NDUFAF6: variants seen among roughly 807,000 people sequenced by gnomAD.
NDUFAF6 encodes NADH dehydrogenase (ubiquinone) complex I, assembly factor 6.
Under a neutral mutation model 40.8 loss-of-function variants are expected in NDUFAF6, and 45 were observed. That is an observed-to-expected ratio of 1.10 (90% CI 0.87 to 1.42). The LOEUF (loss-of-function observed/expected upper bound fraction) is 1.42. Among genes scored for constraint, NDUFAF6 ranks in the 40% most tolerant of loss-of-function variants. NDUFAF6 has a pLI of 0.00. For missense variants in NDUFAF6, 435 were observed against 418.5 expected (o/e 1.04, Z -0.34); for synonymous variants, 185 against 155.9 (o/e 1.19, Z -1.39).
At chr8:95,015,872 G>C (rs1441935065) in intron 2 of NDUFAF6, among the ~76,000 whole-genome samples, 1 of 152,212 alleles carries the variant, frequency 6.6e-6, no homozygotes, top group East Asian at 1.9e-4. Context: ...TTTAAGAAGA[G>C]TGCTAAGGGA....
intron 4 of NDUFAF6, among the ~76,000 whole-genome samples, chr8:95,109,990 G>A (rs1339018450): frequency 6.6e-6 from 1 of 152,138 alleles, no homozygotes. Context: ...TGATCCCCTG[G>A]ATTGTGGTAA....
At chr8:94,999,521 A>G (rs905212939) in intron 2 of NDUFAF6, among the ~76,000 whole-genome samples, 1 of 151,954 alleles carries the variant, frequency 6.6e-6, no homozygotes, top group African/African-American at 2.4e-5. Flanking sequence ...GGTTCAAGCA[A>G]TTCTCTGGCC....
chr8:94,935,102 GGTAGGTAGGTAC>G (rs990617734), intron 1 of NDUFAF6, among the ~76,000 whole-genome samples: 4 of 149,228 alleles, frequency 2.7e-5, no homozygotes, highest in Non-Finnish European at 5.9e-5. Flanking sequence ...TAGGTAGGTA[GGTAGGTAGGTAC>G]ATAGGTAGAT....
At chr8:94,997,331 CACACACACACACAGAGAG>C (rs1440012433) in intron 2 of NDUFAF6, among the ~76,000 whole-genome samples, 18 of 139,372 alleles carry the variant, frequency 1.3e-4, no homozygotes, top group Non-Finnish European at 1.9e-4. Context: ...CACACACACA[CACACACACACACAGAGAG>C]AGAGAGAGAG....
At chr8:95,069,748 C>A (rs1347568130) in intron 9 of NDUFAF6, among the ~76,000 whole-genome samples, 1 of 146,750 alleles carries the variant, frequency 6.8e-6, no homozygotes, top group Non-Finnish European at 1.5e-5. Context: ...CCATTGCACT[C>A]CAGCCTGGGT....
chr8:95,059,858 G>A (rs1832525171), downstream of NDUFAF6, among the ~76,000 whole-genome samples: 1 of 151,070 alleles, frequency 6.6e-6, no homozygotes, highest in African/African-American at 2.4e-5. Context: ...CAAAAAAAAA[G>A]AAAAAAGAAA....
At chr8:95,039,468 G>A (rs1265683102) in intron 3 of NDUFAF6, among the ~76,000 whole-genome samples, 1 of 151,336 alleles carries the variant, frequency 6.6e-6, no homozygotes, top group Non-Finnish European at 1.5e-5. Context: ...AAAAAAGGGG[G>A]GGTTTCACTG....
At chr8:94,964,716 G>A (rs1182529961) in intron 1 of NDUFAF6, among the ~76,000 whole-genome samples, 1 of 152,130 alleles carries the variant, frequency 6.6e-6, no homozygotes, top group Non-Finnish European at 1.5e-5. Context: ...CAAGGGGATG[G>A]CACCGAGCCA....
intron 2 of NDUFAF6, among the ~76,000 whole-genome samples, chr8:94,985,215 TG>T (rs1347060350): frequency 2.0e-5 from 3 of 151,824 alleles, no homozygotes; most frequent in Non-Finnish European, 2.9e-5. Context: ...CTGTGAGCAC[TG>T]GAGCTATGGC....
At chr8:94,962,146 C>T (rs1021046414) in intron 1 of NDUFAF6, among the ~76,000 whole-genome samples, 2 of 152,248 alleles carry the variant, frequency 1.3e-5, no homozygotes, top group African/African-American at 4.8e-5. Flanking sequence ...AGAGTTGGCC[C>T]TTCACCCTTT....
intron 1 of NDUFAF6, among the ~76,000 whole-genome samples, chr8:94,924,161 A>C (rs1394785602): frequency 6.6e-6 from 1 of 152,026 alleles, no homozygotes; most frequent in South Asian, 2.1e-4. Context: ...CCCGGGTTCA[A>C]GCGATTCTCC....
chr8:94,979,818 G>A (rs577508810), intron 1 of NDUFAF6, among the ~76,000 whole-genome samples: 3 of 152,330 alleles, frequency 2.0e-5, no homozygotes, highest in Non-Finnish European at 4.4e-5. Context: ...GAATGGGCTG[G>A]GCACCATGGC....
At chr8:94,919,301 C>T (rs1383727916) in intron 1 of NDUFAF6, among the ~76,000 whole-genome samples, 1 of 152,184 alleles carries the variant, frequency 6.6e-6, no homozygotes, top group Admixed American at 6.5e-5. Context: ...CCCACCTCAG[C>T]CTCCCGAGTA....
chr8:95,112,440 G>A (rs1810023254), intron 4 of NDUFAF6, among the ~76,000 whole-genome samples: 1 of 152,182 alleles, frequency 6.6e-6, no homozygotes, highest in Non-Finnish European at 1.5e-5. Flanking sequence ...ACACAAGCCA[G>A]TGAACTCCTA....
At chr8:94,989,595 G>A (rs917217944) in intron 2 of NDUFAF6, among the ~76,000 whole-genome samples, 3 of 152,082 alleles carry the variant, frequency 2.0e-5, no homozygotes, top group African/African-American at 7.2e-5. Flanking sequence ...ATGAACTGGG[G>A]GTCTGAATGA....
chr8:94,997,550 C>G (rs1337777122), intron 2 of NDUFAF6, among the ~76,000 whole-genome samples: 3 of 152,006 alleles, frequency 2.0e-5, no homozygotes, highest in East Asian at 3.9e-4. Context: ...TTTAAAAAGT[C>G]TGAAGATCTC....
At chr8:94,950,471 A>G (rs943295302) in intron 2 of NDUFAF6, 1 of 152,294 alleles carries the variant, frequency 6.6e-6, no homozygotes, top group Non-Finnish European at 1.5e-5. Flanking sequence ...CCTATCACAC[A>G]TTACAGTATC....
intron 1 of NDUFAF6, chr8:94,939,799 A>C: frequency 6.4e-7 from 1 of 1,563,066 alleles, no homozygotes; most frequent in Non-Finnish European, 8.7e-7. Context: ...TTTGAATTAC[A>C]GTAGAGACAA....
chr8:95,031,002 C>T lies in NDUFAF6; in HGVS notation c.198-993C>T, dbSNP rs569574658. ...CAGCTGTAGCGTGAACTAATACACT[C>T]ACTTATCCCCAAGGGGATGGCACCA... On this transcript the variant is annotated intron_variant, in intron 1 of 8. Transcript: ENST00000396124. Among the ~76,000 whole-genome samples, 142 of 152,332 alleles carry T rather than the reference C, an allele frequency of 9.3e-4. 2 individuals carry two copies. The South Asian group carries it at 0.019, about 21-fold the overall frequency.
Sources: allele counts gnomAD v4.1 joint callset (sites outside exome capture counted in the v4.1 genomes callset), GRCh38; gene constraint gnomAD v4.1.1; transcripts MANE v1.5; gene names NCBI Gene and HGNC (gene_info 2026-07-23, HGNC 2026-07-21).